The following NCALD variants were observed in gnomAD, a reference collection of about 807,000 sequenced individuals.
The protein encoded by NCALD is neurocalcin delta, also known as neurocalcin-delta.
Under a neutral mutation model 18.6 loss-of-function variants are expected in NCALD, and 10 were observed. The ratio of observed to expected loss-of-function variants is 0.54; its 90% CI spans 0.33 to 0.91. The LOEUF is 0.91. NCALD is among the 40% of genes least tolerant of loss of function. The pLI is 0.03. For synonymous variants in NCALD, 88 were observed against 87.4 expected, an observed-to-expected ratio of 1.01 and a Z score of -0.04; for missense variants, 184 against 247.6, an observed-to-expected ratio of 0.74 and a Z score of 1.72.
At chr8:101,751,303 G>A (rs1029493413) in intron 1 of NCALD, among the ~76,000 whole-genome samples, 1 of 152,094 alleles carries the variant, frequency 6.6e-6, no homozygotes, top group Admixed American at 6.6e-5. Context: ...TCTTAGAAAT[G>A]GAAAGTAGAA....
At chr8:101,893,180 C>T (rs572980473) in intron 3 of NCALD, among the ~76,000 whole-genome samples, 3 of 152,026 alleles carry the variant, frequency 2.0e-5, no homozygotes, top group South Asian at 4.1e-4. Flanking sequence ...AGAAACCCTA[C>T]AAGCCAGAAG....
intron 3 of NCALD, among the ~76,000 whole-genome samples, chr8:101,908,964 A>G (rs1050457246): frequency 1.3e-5 from 2 of 152,182 alleles, no homozygotes; most frequent in Non-Finnish European, 2.9e-5. Context: ...GTTTTCCAAA[A>G]ATCAAGAGAT....
chr8:101,899,788 G>A (rs933014755), intron 3 of NCALD, among the ~76,000 whole-genome samples: 13 of 151,634 alleles, frequency 8.6e-5, no homozygotes, highest in Admixed American at 1.3e-4. Flanking sequence ...AATATTTTTA[G>A]GATTCTCACA....
At chr8:101,705,835 C>A (rs1398899623) in intron 2 of NCALD, among the ~76,000 whole-genome samples, 1 of 152,226 alleles carries the variant, frequency 6.6e-6, no homozygotes, top group Non-Finnish European at 1.5e-5. Flanking sequence ...GCCACCCCAG[C>A]TGATGCTGCA....
At chr8:101,816,296 A>C (rs1813493891) in intron 4 of NCALD, among the ~76,000 whole-genome samples, 1 of 152,146 alleles carries the variant, frequency 6.6e-6, no homozygotes, top group African/African-American at 2.4e-5. Context: ...TGCAAGAAGG[A>C]GACTCTAATC....
intron 4 of NCALD, among the ~76,000 whole-genome samples, chr8:101,837,136 G>C (rs962177829): frequency 4.6e-5 from 7 of 150,778 alleles, no homozygotes; most frequent in Non-Finnish European, 3.0e-5. Context: ...CACTTCACTG[G>C]TATGAGTTTT....
intron 1 of NCALD, among the ~76,000 whole-genome samples, chr8:102,080,322 C>T (rs755611583): frequency 1.6e-4 from 24 of 152,200 alleles, no homozygotes; most frequent in Non-Finnish European, 2.8e-4. Flanking sequence ...TGACAGCTTC[C>T]TACAAGCATT....
rs1334203208 is a variant in NCALD at position 101,895,588 on chromosome 8, A to G, written c.-106-8361T>C. ...GAAGTCAAATTGTCCCTGTTTGCAG[A>G]TGACATGATTGTATATCTAGAAAAC... On this transcript the variant is annotated intron_variant, in intron 3 of 6. Transcript: ENST00000311028. 5.5e-3 allele frequency among the ~76,000 whole-genome samples: 817 copies of G among 147,752 alleles called. 6 individuals carry two copies. The highest frequency in any genetic ancestry group is 0.02 in the African/African-American group (770 of 37,974).
intron 3 of NCALD, among the ~76,000 whole-genome samples, chr8:101,902,272 GTTTTTTT>G (rs71268535): frequency 3.6e-5 from 4 of 112,148 alleles, no homozygotes; most frequent in East Asian, 2.4e-4. Context: ...CATCCACTGA[GTTTTTTT>G]TTTTTTTTTT....
At chr8:102,045,689 A>G (rs895745204) in intron 1 of NCALD, among the ~76,000 whole-genome samples, 4 of 152,198 alleles carry the variant, frequency 2.6e-5, no homozygotes, top group African/African-American at 9.6e-5. Flanking sequence ...GTGACGCTGT[A>G]TGCCCATACA....
chr8:101,864,697 C>G (rs1266971910), intron 4 of NCALD, among the ~76,000 whole-genome samples: 1 of 150,864 alleles, frequency 6.6e-6, no homozygotes, highest in Non-Finnish European at 1.5e-5. Context: ...TGGGTTAAAG[C>G]GATTCTTCTG....
intron 2 of NCALD, among the ~76,000 whole-genome samples, chr8:101,701,459 GC>G (rs950551023): frequency 3.9e-5 from 6 of 152,166 alleles, no homozygotes; most frequent in African/African-American, 1.4e-4. Context: ...ACACCCAGGA[GC>G]CCAGCCCTGA....
At chr8:101,706,810 C>G (rs1815548852) in intron 2 of NCALD, among the ~76,000 whole-genome samples, 1 of 152,208 alleles carries the variant, frequency 6.6e-6, no homozygotes, top group South Asian at 2.1e-4. Flanking sequence ...CTAGGAAGCA[C>G]TCATTCATGT....
At chr8:102,103,938 C>T (rs1825366535) in intron 1 of NCALD, among the ~76,000 whole-genome samples, 1 of 152,182 alleles carries the variant, frequency 6.6e-6, no homozygotes, top group African/African-American at 2.4e-5. Flanking sequence ...TTCCAATGGA[C>T]ATCTGGGATC....
At chr8:101,704,929 A>G (rs1789279661) in intron 2 of NCALD, among the ~76,000 whole-genome samples, 3 of 139,030 alleles carry the variant, frequency 2.2e-5, no homozygotes, top group Non-Finnish European at 3.1e-5. Context: ...TCAAAAAAAT[A>G]AAAAATAAAA....
At chr8:102,112,770 G>A (rs1825678719) in intron 1 of NCALD, among the ~76,000 whole-genome samples, 1 of 152,248 alleles carries the variant, frequency 6.6e-6, no homozygotes, top group Admixed American at 6.5e-5. Context: ...CCTGGGTGGA[G>A]GAGGGAGGTA....
chr8:101,978,152 G>T (rs576608541), intron 2 of NCALD, among the ~76,000 whole-genome samples: 7 of 148,446 alleles, frequency 4.7e-5, no homozygotes, highest in East Asian at 2.0e-4. Flanking sequence ...GTCACACTAC[G>T]CAGGCTGATT....
intron 1 of NCALD, among the ~76,000 whole-genome samples, chr8:102,114,070 A>T (rs1450303221): frequency 2.6e-5 from 4 of 152,260 alleles, no homozygotes; most frequent in Admixed American, 2.6e-4. Flanking sequence ...TATGACAAGC[A>T]TGATGCCCAC....
At chr8:101,836,134 T>C (rs1427461600) in intron 4 of NCALD, among the ~76,000 whole-genome samples, 2 of 152,080 alleles carry the variant, frequency 1.3e-5, no homozygotes, top group African/African-American at 4.8e-5. Flanking sequence ...AGAGCCAGGA[T>C]AAACACCATC....
Sources: gnomAD v4.1 joint callset for allele counts (sites outside exome capture counted in the v4.1 genomes callset) on GRCh38, gnomAD v4.1.1 for gene constraint, MANE v1.5 for transcripts, NCBI Gene and HGNC (gene_info 2026-07-23, HGNC 2026-07-21) for gene names.